OPRM1: variants seen among roughly 807,000 people sequenced by gnomAD.
OPRM1 encodes the protein mu-type opioid receptor.
In OPRM1, 27 loss-of-function variants were observed where a neutral mutation model predicts 31.8. The observed-to-expected ratio is 0.85, with a 90% CI of 0.63 to 1.17. OPRM1 has a LOEUF of 1.17. Ranked by LOEUF, OPRM1 falls within the 50% of genes most tolerant of loss-of-function variation. The probability of loss-of-function intolerance (pLI) is 0.00; values close to 1 mark genes in which losing one functional copy is unlikely to be tolerated. For synonymous variants in OPRM1, 196 were observed against 189.9 expected (o/e 1.03, Z -0.26); for missense variants, 536 against 511.1 (o/e 1.05, Z -0.47).
intron 3 of OPRM1, among the ~76,000 whole-genome samples, chr6:154,152,507 G>A (rs898218911): frequency 6.6e-6 from 1 of 152,060 alleles, no homozygotes; most frequent in Admixed American, 6.6e-5. Flanking sequence ...TGTCATGGGG[G>A]AAGAGGCTGC....
intron 1 of OPRM1, among the ~76,000 whole-genome samples, chr6:154,016,396 G>C (rs78870289): frequency 6.6e-6 from 1 of 151,966 alleles, no homozygotes; most frequent in Non-Finnish European, 1.5e-5. Context: ...AAATTGTGTA[G>C]TGTGACAACA....
chr6:154,130,170 CTTTT>C lies in OPRM1; in HGVS notation c.*11464_*11467del, dbSNP rs57493678. Reference sequence around the variant, plus strand: ...GATTTCATGGAAATGTTTAAATTTTCTTTTTTTTTTTTTTTTTTGATGGAGTCTC... The same window carrying C: ...GATTTCATGGAAATGTTTAAATTTTCTTTTTTTTTTTTTTGATGGAGTCTC... On this transcript the variant is annotated 3_prime_UTR_variant, in exon 4 of 4. Coordinates refer to ENST00000330432, the MANE Select transcript of OPRM1 (RefSeq NM_000914.5). 1.5e-4 allele frequency among the ~76,000 whole-genome samples: 11 copies of C among 71,816 alleles called. No individual in the cohort carries two copies. The highest frequency in any genetic ancestry group is 1.8e-4 in the African/African-American group (4 of 22,160). The allele number at this position is 71,816 out of a possible 152,430, so 47.1% of individuals were successfully genotyped here.
chr6:154,187,705 C>T (rs984200047), intron 3 of OPRM1, among the ~76,000 whole-genome samples: 1 of 152,186 alleles, frequency 6.6e-6, no homozygotes, highest in African/African-American at 2.4e-5. Flanking sequence ...GGTATTAAGG[C>T]GATTAGAATC....
In OPRM1 at chr6:154,039,561, C is replaced by T. The variant is rs1799972; in HGVS notation, c.17C>T (p.Ala6Val). 0.013 allele frequency: 21,390 copies of T among 1,612,066 alleles called. 1,965 individuals carry two copies. In the African/African-American group the frequency reaches 0.22, roughly 17 times the overall value. The change falls in exon 1 of 4, where the codon GCC becomes GTC. Residue 6 changes from alanine to valine, a missense_variant. Transcript: ENST00000330432. MDSSA[A>V]PTNASNCTDA... ...GTCAGTACCATGGACAGCAGCGCTG[C>T]CCCCACGAACGCCAGCAATTGCACT... is the stretch of plus-strand genomic sequence containing the variant.
upstream of OPRM1, chr6:154,039,165 G>C: frequency 6.4e-7 from 1 of 1,551,520 alleles, no homozygotes; most frequent in Non-Finnish European, 8.7e-7. Context: ...CTTTAGATGT[G>C]TTTGCACAGA....
intron 3 of OPRM1, among the ~76,000 whole-genome samples, chr6:154,175,742 TACAAAGAGG>T (rs1335217387): frequency 3.3e-5 from 5 of 152,060 alleles, no homozygotes; most frequent in African/African-American, 1.2e-4. Context: ...CTACCAGAGG[TACAAAGAGG>T]AGCTGGTACC....
chr6:154,114,593 A>G (rs1258374377), intron 3 of OPRM1, among the ~76,000 whole-genome samples: 1 of 152,102 alleles, frequency 6.6e-6, no homozygotes, highest in Non-Finnish European at 1.5e-5. Flanking sequence ...TTGGGTGCAA[A>G]AGGGATTGAG....
At position 154,168,007 on chromosome 6, in the gene OPRM1, C is replaced by A; in HGVS notation, c.1164+76535C>A. 6.2e-7 allele frequency: 1 copy of A among 1,612,048 alleles called. No homozygotes were observed. On this transcript the variant is annotated intron_variant, in intron 3 of 3. Coordinates refer to the OPRM1 transcript ENST00000337049. This position sits in a 1 kb window ranked among gnomAD's most constrained non-coding sequence, Gnocchi z 4.1. ...ACCGCTTAACAAAGGATTTTCTCAA[C>A]TCCTTTTTAGTCGAAGGTCGTCGGT...
chr6:154,036,360 A>G (rs537759764), upstream of OPRM1, among the ~76,000 whole-genome samples: 43 of 152,216 alleles, frequency 2.8e-4, no homozygotes, highest in African/African-American at 9.9e-4. Flanking sequence ...AGAATATTCT[A>G]TATTCAAAAT....
rs533192018 is a variant in OPRM1 at position 154,153,371 on chromosome 6, T to C, written c.1164+61899T>C. ...CACCTGGATTATCCAGGTGAGCCTG[T>C]TGTAATCACAAGGTTGCTTAAAAGA... On this transcript the variant is annotated intron_variant, in intron 3 of 3. Transcript: ENST00000337049. Among the ~76,000 whole-genome samples the C allele has an allele frequency of 2.0e-4, 30 of 152,254 alleles. 1 individual carries two copies. Among genetic ancestry groups the C allele is most frequent in the Admixed American group, 2.0e-3 (30 of 15,284 alleles).
chr6:154,192,719 G>A (rs9478519), intron 3 of OPRM1, among the ~76,000 whole-genome samples: 101,576 of 151,802 alleles, frequency 0.67, 34,556 homozygotes, highest in East Asian at 0.89. Context: ...TGAATAGACA[G>A]TTCTCAAAAG....
chr6:154,039,978 A>C, intron 1 of OPRM1, 144 bp downstream of exon 1: 1 of 594,226 alleles, frequency 1.7e-6, no homozygotes, highest in East Asian at 2.9e-5. Context: ...GACCACGGAC[A>C]GTGATTGTTA....
chr6:154,173,486 T>C (rs934559636), intron 3 of OPRM1, among the ~76,000 whole-genome samples: 3 of 152,216 alleles, frequency 2.0e-5, no homozygotes, highest in African/African-American at 7.2e-5. Flanking sequence ...AATGATCTTT[T>C]GGTGCTGAAA....
rs1797850224 is a variant in OPRM1 at position 154,130,740 on chromosome 6, T to A, written c.*12019T>A. ...AATATATCTACCAATATAAATAGAA[T>A]ATATAAAGGGAATATATATATACCA... On this transcript the variant is annotated 3_prime_UTR_variant, in exon 4 of 4. Coordinates refer to ENST00000330432, the MANE Select transcript of OPRM1 (RefSeq NM_000914.5). 6.6e-6 allele frequency among the ~76,000 whole-genome samples: 1 copy of A among 151,868 alleles called. No homozygotes were observed.
At chr6:154,151,858 C>T (rs929870122) in intron 3 of OPRM1, among the ~76,000 whole-genome samples, 2 of 151,978 alleles carry the variant, frequency 1.3e-5, no homozygotes, top group African/African-American at 4.8e-5. Flanking sequence ...AATCCAGGTT[C>T]GTTCGTTTGT....
At chr6:154,175,571 G>A (rs1434387346) in intron 3 of OPRM1, among the ~76,000 whole-genome samples, 1 of 152,044 alleles carries the variant, frequency 6.6e-6, no homozygotes. Context: ...AGAAAATCTA[G>A]AAGAAACTGA....
At chr6:154,180,410 ATATATT>A (rs1285199447) in intron 3 of OPRM1, among the ~76,000 whole-genome samples, 2 of 40,418 alleles carry the variant, frequency 4.9e-5, no homozygotes, top group Non-Finnish European at 9.8e-5. Flanking sequence ...ATATATATAT[ATATATT>A]TTTTTTTTAA....
chr6:154,093,383 C>T (rs1487234884), intron 3 of OPRM1: 6 of 1,614,036 alleles, frequency 3.7e-6, no homozygotes, highest in Non-Finnish European at 4.2e-6. Flanking sequence ...CTATCCTTCA[C>T]TCGTCCTGCC....
chr6:154,035,400 T>G (rs1028857886), upstream of OPRM1, among the ~76,000 whole-genome samples: 1 of 152,160 alleles, frequency 6.6e-6, no homozygotes, highest in Non-Finnish European at 1.5e-5. Flanking sequence ...AAGGATAATA[T>G]TGTATCACAA....
Sources: allele counts gnomAD v4.1 joint callset (sites outside exome capture counted in the v4.1 genomes callset), GRCh38; gene constraint gnomAD v4.1.1; non-coding constraint Gnocchi (gnomAD v3.1); transcripts MANE v1.5; gene names NCBI Gene and HGNC (gene_info 2026-07-23, HGNC 2026-07-21).